Variants in INSIG2 observed in about 807,000 individuals in gnomAD.
The protein encoded by INSIG2 is insulin induced gene 2, also known as insulin-induced gene 2 protein.
In INSIG2, 10 loss-of-function variants were observed where a neutral mutation model predicts 27.2. That is an observed-to-expected ratio of 0.37 (90% CI 0.23 to 0.62). The LOEUF (loss-of-function observed/expected upper bound fraction) is 0.62. INSIG2 is among the 20% of genes least tolerant of loss of function. The pLI, the probability that INSIG2 is intolerant of heterozygous loss-of-function variation, is 0.65. For synonymous variants in INSIG2, 97 were observed against 95.8 expected, an observed-to-expected ratio of 1.01 and a Z score of -0.07; for missense variants, 178 against 270.2, an observed-to-expected ratio of 0.66 and a Z score of 2.39.
chr2:118,102,734 T>TACA (rs1678577304), intron 2 of INSIG2: 2 of 158,826 alleles, frequency 1.3e-5, no homozygotes, highest in African/African-American at 4.8e-5. Flanking sequence ...GCTTGTTGTA[T>TACA]ACTTTTATAC....
Position 118,096,681 on chromosome 2 carries a change from T to C in INSIG2, c.125T>C (p.Leu42Pro). 2.5e-6 allele frequency: 4 copies of C among 1,614,140 alleles called. No homozygotes were observed. The highest frequency in any genetic ancestry group is 3.4e-6 in the Non-Finnish European group (4 of 1,179,998). Residue 42 changes from leucine to proline, a missense_variant, in exon 2 of 6, where the codon CTT becomes CCT. Physicochemically the swap from Leu to Pro is moderately conservative, Grantham distance 98 (BLOSUM62 -3). Coordinates refer to ENST00000245787, the MANE Select transcript of INSIG2 (RefSeq NM_016133.4). ...GVVLFFIGVF[L>P]ALVLNLLQIQ... ...GTGCTATTTTTTATTGGAGTATTTC[T>C]TGCATTAGTGTTAAATTTACTTCAG...
chr2:118,093,099 T>C (rs542539172), intron 1 of INSIG2, among the ~76,000 whole-genome samples: 12 of 87,490 alleles, frequency 1.4e-4, no homozygotes, highest in African/African-American at 4.7e-4. Context: ...ATGATGATGA[T>C]GATGAAGGAG....
intron 1 of INSIG2, among the ~76,000 whole-genome samples, chr2:118,092,273 T>C (rs1179921575): frequency 6.6e-6 from 1 of 152,210 alleles, no homozygotes; most frequent in Non-Finnish European, 1.5e-5. Context: ...TCTGGGGAAG[T>C]AAAGAGTCAA....
At chr2:118,094,980 TTAAG>T (rs1251632204) in intron 1 of INSIG2, among the ~76,000 whole-genome samples, 2 of 152,210 alleles carry the variant, frequency 1.3e-5, no homozygotes, top group Non-Finnish European at 1.5e-5. Flanking sequence ...CCCAATTTAA[TTAAG>T]CAAATATGAT....
chr2:118,089,195 G>A lies in INSIG2; in HGVS notation c.-139+654G>A, dbSNP rs567946341. On this transcript the variant is annotated intron_variant, in intron 1 of 5. Transcript: ENST00000245787. ...AGAAGGAAAGCAGTGTGGATTATGGGAGTGGGCGCGGGCAATGGCGCTAAC... is the reference window on the plus strand; with the variant it reads ...AGAAGGAAAGCAGTGTGGATTATGGAAGTGGGCGCGGGCAATGGCGCTAAC... Among the ~76,000 whole-genome samples the A allele has an allele frequency of 2.0e-5, 3 of 152,140 alleles. No homozygotes were observed. In the South Asian group the frequency reaches 6.2e-4, roughly 32 times the overall value.
chr2:118,103,831 G>C (rs968838829), intron 3 of INSIG2, among the ~76,000 whole-genome samples: 2 of 151,840 alleles, frequency 1.3e-5, no homozygotes, highest in Non-Finnish European at 2.9e-5. Context: ...TTAGACCTTG[G>C]CCAAAAAATA....
rs773696224 is a variant in INSIG2 at position 118,108,369 on chromosome 2, T to C, written c.*47T>C. ...GTACAGAAAAGCAAGATGAAAAGGATGTGAAATGGTAGATATACCAACAAA... is the reference window on the plus strand; with the variant it reads ...GTACAGAAAAGCAAGATGAAAAGGACGTGAAATGGTAGATATACCAACAAA... On this transcript the variant is annotated 3_prime_UTR_variant, in exon 6 of 6. Transcript: ENST00000245787. 2.8e-6 allele frequency: 4 copies of C among 1,443,202 alleles called. No individual in the cohort carries two copies. The South Asian group carries it at 4.8e-5, about 17-fold the overall frequency. The allele number at this position is 1,443,202 out of a possible 1,614,324, so 89.4% of individuals were successfully genotyped here.
chr2:118,096,864 C>T (rs1253747806), intron 2 of INSIG2, 64 bp downstream of exon 2: 3 of 1,515,800 alleles, frequency 2.0e-6, no homozygotes, highest in Non-Finnish European at 1.8e-6. Flanking sequence ...TGGACGTTGT[C>T]TGAGCAATAA....
At chr2:118,089,610 T>C (rs1433512833) in intron 1 of INSIG2, among the ~76,000 whole-genome samples, 1 of 152,222 alleles carries the variant, frequency 6.6e-6, no homozygotes, top group Admixed American at 6.5e-5. Flanking sequence ...TCTTCCTGTT[T>C]TCTGTCTTTC....
chr2:118,099,723 A>C (rs1275473972), intron 2 of INSIG2, among the ~76,000 whole-genome samples: 1 of 152,234 alleles, frequency 6.6e-6, no homozygotes, highest in East Asian at 1.9e-4. Flanking sequence ...TTTCCTGTTT[A>C]GCTGTGCAGT....
At chr2:118,096,996 A>G (rs1678423690) in intron 2 of INSIG2, among the ~76,000 whole-genome samples, 196 bp downstream of exon 2, 1 of 152,206 alleles carries the variant, frequency 6.6e-6, no homozygotes, top group Admixed American at 6.5e-5. Flanking sequence ...ACCACTGCCA[A>G]TCCAGCTGTG....
rs1678678852 is a variant in INSIG2, at chr2:118,106,650, C to G, written c.370-87C>G. 6.7e-6 allele frequency: 7 copies of G among 1,042,238 alleles called. No homozygotes were observed. In the South Asian group the frequency reaches 1.1e-4, roughly 16 times the overall value. 64.6% of individuals were successfully genotyped at this position (1,042,238 alleles called of 1,614,324 possible). A position where few individuals can be genotyped will look rare whatever the true frequency, so the allele number is the denominator to read the frequency against. ...GAGTAGAAGCAATTAATTCCCTTCT[C>G]AACAGAGGCATCTCTTATTTAGAAA... On this transcript the variant is annotated intron_variant, in intron 3 of 5. Coordinates refer to ENST00000245787, the MANE Select transcript of INSIG2 (RefSeq NM_016133.4).
chr2:118,109,920 C>T lies in INSIG2; in HGVS notation c.*1598C>T, dbSNP rs1678773807. The T allele has an allele frequency of 6.6e-6, 1 of 152,316 alleles. No homozygotes were observed. The highest frequency in any genetic ancestry group is 1.5e-5 in the Non-Finnish European group (1 of 68,004). 9.4% of individuals were successfully genotyped at this position (152,316 alleles called of 1,614,324 possible). The stretch of plus-strand genomic sequence containing the variant: ...AATAAGGTATATTTTTTAGAATCAA[C>T]TTTGTAAGCACTATAAAATCTTTAA... On this transcript the variant is annotated 3_prime_UTR_variant, in exon 6 of 6. Coordinates refer to ENST00000245787, the MANE Select transcript of INSIG2 (RefSeq NM_016133.4).
At chr2:118,094,783 T>C (rs1459340381) in intron 1 of INSIG2, among the ~76,000 whole-genome samples, 1 of 152,214 alleles carries the variant, frequency 6.6e-6, no homozygotes, top group Non-Finnish European at 1.5e-5. Context: ...ATTTTCATAC[T>C]AGTTATTTGT....
chr2:118,090,116 T>C lies in INSIG2; in HGVS notation c.-139+1575T>C, dbSNP rs553644434. Among the ~76,000 whole-genome samples the C allele has an allele frequency of 2.6e-5, 4 of 152,364 alleles. No homozygotes were observed. In the South Asian group the frequency reaches 8.3e-4, roughly 32 times the overall value. ...TCTGTTTTTTTCTAATGTTAGTGCT[T>C]ATTCTATTTCAAGAATGCTATTCTA... On this transcript the variant is annotated intron_variant, in intron 1 of 5. Coordinates refer to ENST00000245787, the MANE Select transcript of INSIG2 (RefSeq NM_016133.4).
chr2:118,107,702 T>G (rs1449185493), intron 5 of INSIG2, among the ~76,000 whole-genome samples: 1 of 152,228 alleles, frequency 6.6e-6, no homozygotes, highest in Non-Finnish European at 1.5e-5. Context: ...TTGAGTGACT[T>G]ACTTTGCTGT....
rs771525021 is a variant in INSIG2, at chr2:118,106,836, C to A, written c.469C>A (p.Leu157Ile). ...TGATAGATCTAGAAGTGGTTTTGGC[C>A]TTGGAGTAGGAATTGCCTTCTTGGC... ...TFDRSRSGFG[L>I]GVGIAFLATV... Residue 157 changes from leucine to isoleucine, a missense_variant, in exon 4 of 6, where the codon CTT (leucine) becomes ATT (isoleucine). By Grantham distance (5) the Leu-to-Ile change is conservative (BLOSUM62 2). Transcript: ENST00000245787. The A allele has an allele frequency of 1.9e-6, 3 of 1,614,062 alleles. No homozygotes were observed. Among genetic ancestry groups the A allele is most frequent in the Admixed American group, 3.3e-5 (2 of 60,024 alleles).
Position 118,110,127 on chromosome 2 carries a change from A to G in INSIG2, c.*1805A>G, listed in dbSNP as rs1242591293. The G allele has an allele frequency of 1.3e-5, 2 of 152,386 alleles. No homozygotes were observed. Among genetic ancestry groups the G allele is most frequent in the African/African-American group, 4.8e-5 (2 of 41,446 alleles). The allele number at this position is 152,386 out of a possible 1,614,324, so 9.4% of individuals were successfully genotyped here. A position where few individuals can be genotyped will look rare whatever the true frequency, so the allele number is the denominator to read the frequency against. ...ATGTGGTTGAAGTTACCAAGAAACG[A>G]TGAAAAGAAACTAAATATAGTTGAC... is the stretch of plus-strand genomic sequence containing the variant. On this transcript the variant is annotated 3_prime_UTR_variant, in exon 6 of 6. Coordinates refer to ENST00000245787, the MANE Select transcript of INSIG2 (RefSeq NM_016133.4).
chr2:118,103,155 C>A, intron 2 of INSIG2, 42 bp from the exon 3 acceptor site: 3 of 1,571,236 alleles, frequency 1.9e-6, no homozygotes, highest in Non-Finnish European at 8.7e-7. Flanking sequence ...GTTGCCAGTA[C>A]AACATTGGAG....
Sources: allele counts gnomAD v4.1 joint callset (sites outside exome capture counted in the v4.1 genomes callset), GRCh38; gene constraint gnomAD v4.1.1; transcripts MANE v1.5; gene names NCBI Gene and HGNC (gene_info 2026-07-23, HGNC 2026-07-21).